Variants in LAMA2 observed in about 807,000 individuals in gnomAD.
The protein encoded by LAMA2 is laminin subunit alpha-2.
A neutral mutation model predicts 364.8 loss-of-function variants in LAMA2; 269 were observed. The observed-to-expected ratio is 0.74, with a 90% CI of 0.67 to 0.82. The LOEUF is 0.82. Among genes scored for constraint, LAMA2 ranks in the 40% least tolerant of loss-of-function variants. The probability of loss-of-function intolerance (pLI) is 0.00; values close to 1 mark genes in which losing one functional copy is unlikely to be tolerated. For synonymous variants in LAMA2, 1,379 were observed against 1,370.6 expected, an observed-to-expected ratio of 1.01 and a Z score of -0.14; for missense variants, 3,807 against 3,873.2, an observed-to-expected ratio of 0.98 and a Z score of 0.45.
chr6:129,439,623 A>G lies in LAMA2; in HGVS notation c.6085+861A>G, dbSNP rs1782000125. 2.0e-5 allele frequency among the ~76,000 whole-genome samples: 3 copies of G among 152,108 alleles called. No individual in the cohort carries two copies. In the South Asian group the frequency reaches 6.2e-4, roughly 32 times the overall value. The stretch of plus-strand genomic sequence containing the variant: ...TTTCTACCTATTAGAACTGCTGGAA[A>G]TTTTTGCATGGTATTAGTTCCTGAA... On this transcript the variant is annotated intron_variant, in intron 42 of 64. Coordinates refer to ENST00000421865, the MANE Select transcript of LAMA2 (RefSeq NM_000426.4).
At chr6:129,236,255 A>G (rs755171401) in intron 12 of LAMA2, among the ~76,000 whole-genome samples, 2 of 152,196 alleles carry the variant, frequency 1.3e-5, no homozygotes, top group Non-Finnish European at 2.9e-5. Flanking sequence ...ATTTGTCCAA[A>G]GTTCTATTTC....
chr6:129,326,329 C>T (rs563067702), intron 28 of LAMA2, among the ~76,000 whole-genome samples: 3 of 152,236 alleles, frequency 2.0e-5, no homozygotes, highest in African/African-American at 4.8e-5. Flanking sequence ...CCACTATGGG[C>T]GCTTGTCTAT....
At chr6:128,995,612 C>T (rs111513073) in intron 1 of LAMA2, among the ~76,000 whole-genome samples, 3,744 of 152,310 alleles carry the variant, frequency 0.025, 139 homozygotes, top group African/African-American at 0.086. Context: ...GCATGAACCA[C>T]CGCACCTGGC....
rs747860244 is a variant in LAMA2, at chr6:128,883,297, G to C, written c.52G>C (p.Gly18Arg). 7.6e-6 allele frequency: 12 copies of C among 1,589,064 alleles called. No individual in the cohort carries two copies. Among genetic ancestry groups the C allele is most frequent in the Non-Finnish European group, 9.4e-6 (11 of 1,167,980 alleles). The change falls in exon 1 of 65, where the codon GGG (glycine) becomes CGG (arginine). Residue 18 changes from glycine (G) to arginine (R), a missense_variant. Gly to Arg is a moderately radical substitution (Grantham distance 125, BLOSUM62 -2). Transcript: ENST00000421865. ...CCTTCTGCTGCTCTCCGGAGGCCTCGGGGGCGTACAGGCGCAGCGGCCGCA... is the reference window on the plus strand; with the variant it reads ...CCTTCTGCTGCTCTCCGGAGGCCTCCGGGGCGTACAGGCGCAGCGGCCGCA... Reference protein sequence around the residue: ...LLLLLLSGGLGGVQAQRPQQQ... With the variant: ...LLLLLLSGGLRGVQAQRPQQQ...
At chr6:129,512,605 T>TG in intron 63 of LAMA2, 112 bp downstream of exon 63, 3 of 1,195,742 alleles carry the variant, frequency 2.5e-6, no homozygotes, top group Non-Finnish European at 2.5e-6. Flanking sequence ...TATTCTTTGT[T>TG]GGGAGAAAGC....
At chr6:128,939,347 T>C (rs1338787221) in intron 1 of LAMA2, among the ~76,000 whole-genome samples, 3 of 152,152 alleles carry the variant, frequency 2.0e-5, no homozygotes, top group Non-Finnish European at 2.9e-5. Flanking sequence ...CTTTTTTTTT[T>C]TCATCCCAAT....
At chr6:128,976,317 C>G (rs1166369146) in intron 1 of LAMA2, among the ~76,000 whole-genome samples, 1 of 152,068 alleles carries the variant, frequency 6.6e-6, no homozygotes, top group Non-Finnish European at 1.5e-5. Flanking sequence ...TTTTCCAGTT[C>G]CTGATAGATA....
chr6:128,899,543 G>A (rs1382106659), intron 1 of LAMA2, among the ~76,000 whole-genome samples: 2 of 152,192 alleles, frequency 1.3e-5, no homozygotes, highest in African/African-American at 4.8e-5. Context: ...AAAATTGGAT[G>A]AAGAAGCAGC....
intron 28 of LAMA2, among the ~76,000 whole-genome samples, chr6:129,324,272 A>T (rs967708784): frequency 6.6e-6 from 1 of 152,240 alleles, no homozygotes; most frequent in Non-Finnish European, 1.5e-5. Context: ...ATTATTAAAC[A>T]TGCTTTATCT....
intron 3 of LAMA2, among the ~76,000 whole-genome samples, chr6:129,071,384 G>T (rs189549170): frequency 1.3e-5 from 2 of 151,652 alleles, no homozygotes; most frequent in African/African-American, 4.8e-5. Flanking sequence ...TTTCTCTATC[G>T]TGAAATTGTT....
chr6:129,251,070 C>CTATA (rs1786184240), intron 13 of LAMA2, among the ~76,000 whole-genome samples: 13 of 67,636 alleles, frequency 1.9e-4, no homozygotes, highest in African/African-American at 5.3e-4. Context: ...CTCTCTCTCT[C>CTATA]TCTCTCTATA....
chr6:129,052,866 T>C (rs1788182697), intron 2 of LAMA2, among the ~76,000 whole-genome samples: 1 of 152,152 alleles, frequency 6.6e-6, no homozygotes, highest in Non-Finnish European at 1.5e-5. Flanking sequence ...TTCTTGGAGC[T>C]GGTTAAAGAG....
chr6:129,500,321 ATGAT>A (rs35793323), intron 58 of LAMA2, among the ~76,000 whole-genome samples: 54,009 of 151,810 alleles, frequency 0.36, 10,793 homozygotes, highest in African/African-American at 0.56. Context: ...TTGCAAATCA[ATGAT>A]TGATAGTAAA....
At chr6:129,429,972 TA>T (rs977144410) in intron 41 of LAMA2, among the ~76,000 whole-genome samples, 14 of 152,336 alleles carry the variant, frequency 9.2e-5, no homozygotes, top group African/African-American at 2.6e-4. Flanking sequence ...AGTTTAAATT[TA>T]TTTTTTTTGT....
At chr6:128,947,693 G>A (rs1055408260) in intron 1 of LAMA2, among the ~76,000 whole-genome samples, 14 of 152,164 alleles carry the variant, frequency 9.2e-5, no homozygotes, top group African/African-American at 2.2e-4. Context: ...GATTTAAAGC[G>A]AGGATGTGAG....
rs546508251 is a variant in LAMA2 at position 129,122,988 on chromosome 6, G to C, written c.640-20913G>C. ...CATTATGGAAGGAAAAAAGTAGGAA[G>C]GTTCCTCAAAAAATTCAAAATGGGA... is the stretch of plus-strand genomic sequence containing the variant. On this transcript the variant is annotated intron_variant, in intron 4 of 64. Coordinates refer to ENST00000421865, the MANE Select transcript of LAMA2 (RefSeq NM_000426.4). 6.6e-5 allele frequency among the ~76,000 whole-genome samples: 10 copies of C among 152,212 alleles called. No homozygotes were observed. The East Asian group carries it at 1.5e-3, about 24-fold the overall frequency.
rs147745385 is a variant in LAMA2 at position 129,446,229 on chromosome 6, A to G, written c.6429+408A>G. On this transcript the variant is annotated intron_variant, in intron 45 of 64. Coordinates refer to ENST00000421865, the MANE Select transcript of LAMA2 (RefSeq NM_000426.4). ...TGGCAGGAATGAAGGAACAATATAC[A>G]GAATAAGAGCAAAGAGAAACAAACA... 4.0e-3 allele frequency among the ~76,000 whole-genome samples: 612 copies of G among 152,140 alleles called. 1 individual carries two copies. The highest frequency in any genetic ancestry group is 0.01 in the Middle Eastern group (3 of 292).
At chr6:129,109,512 T>G (rs905619184) in intron 4 of LAMA2, among the ~76,000 whole-genome samples, 5 of 144,172 alleles carry the variant, frequency 3.5e-5, no homozygotes, top group African/African-American at 1.1e-4. Flanking sequence ...TAAATCCTTT[T>G]ATGAAGTCTT....
chr6:129,061,304 T>C (rs1159330776), intron 3 of LAMA2, among the ~76,000 whole-genome samples: 3 of 152,210 alleles, frequency 2.0e-5, no homozygotes, highest in Admixed American at 1.3e-4. Flanking sequence ...TAAATAATGA[T>C]GCTTTATTGT....
Sources: allele counts gnomAD v4.1 joint callset (sites outside exome capture counted in the v4.1 genomes callset), GRCh38; gene constraint gnomAD v4.1.1; transcripts MANE v1.5; gene names NCBI Gene and HGNC (gene_info 2026-07-23, HGNC 2026-07-21).